Variants in AFF2 observed in about 807,000 individuals in gnomAD.
AFF2 encodes the protein AF4/FMR2 family member 2.
AFF2 carries 14 observed loss-of-function variants against 76.9 expected under a neutral mutation model. The ratio of observed to expected loss-of-function variants is 0.18; its 90% CI spans 0.12 to 0.28. AFF2 has a LOEUF of 0.28. Among genes scored for constraint, AFF2 ranks in the 10% least tolerant of loss-of-function variants. The pLI, the probability that AFF2 is intolerant of heterozygous loss-of-function variation, is 1.00. For missense variants in AFF2, 868 were observed against 1,001.1 expected (o/e 0.87, Z 1.79); for synonymous variants, 398 against 366.7 (o/e 1.09, Z -0.98).
At chrX:148,616,888 A>G (rs1192571552) in intron 1 of AFF2, among the ~76,000 whole-genome samples, 1 of 110,707 alleles carries the variant, frequency 9.0e-6, no homozygotes, top group Admixed American at 9.6e-5. Flanking sequence ...CCATGTCCCT[A>G]CAAAGGACAT....
At chrX:148,857,925 A>T (rs1314243777) in intron 7 of AFF2, among the ~76,000 whole-genome samples, 1 of 111,777 alleles carries the variant, frequency 8.9e-6, no homozygotes, top group African/African-American at 3.2e-5. Flanking sequence ...ATTCCATATT[A>T]AAAAGTTTGA....
At chrX:148,858,590 A>G (rs1341297710) in intron 7 of AFF2, among the ~76,000 whole-genome samples, 1 of 111,390 alleles carries the variant, frequency 9.0e-6, no homozygotes, top group African/African-American at 3.3e-5. Context: ...TAAAAAAGCA[A>G]AAGTATTTTT....
At chrX:148,597,631 C>T (rs1259639521) in intron 1 of AFF2, among the ~76,000 whole-genome samples, 1 of 111,633 alleles carries the variant, frequency 9.0e-6, no homozygotes, top group African/African-American at 3.3e-5. Context: ...CAATTATAGT[C>T]GACATAAAGT....
Position 148,843,441 on chromosome X carries a change from G to A in AFF2, c.1262+8G>A, listed in dbSNP as rs1557274459. ...GTCAGTGTCTTTCAAATCGTGAGTA[G>A]TTGGATCTCCAAATCAGGCCTTTTT... On this transcript the variant is annotated splice_region_variant and intron_variant, in intron 7 of 20. Coordinates refer to ENST00000370460, the MANE Select transcript of AFF2 (RefSeq NM_002025.4). 2 of 1,205,665 alleles carry A rather than the reference G, an allele frequency of 1.7e-6. No homozygotes were observed. The highest frequency in any genetic ancestry group is 2.2e-6 in the Non-Finnish European group (2 of 890,979).
chrX:148,870,953 G>T (rs1005070671), intron 7 of AFF2, among the ~76,000 whole-genome samples: 51 of 111,192 alleles, frequency 4.6e-4, no homozygotes, highest in African/African-American at 1.7e-3. Context: ...GGCAGTGGGG[G>T]AGACAGCAAC....
At chrX:148,780,944 A>G (rs1349483162) in intron 3 of AFF2, among the ~76,000 whole-genome samples, 1 of 111,753 alleles carries the variant, frequency 8.9e-6, no homozygotes, top group Non-Finnish European at 1.9e-5. Context: ...TTGCATGGTC[A>G]TCCTTTTTGT....
chrX:148,744,909 T>C (rs782294495), intron 3 of AFF2, among the ~76,000 whole-genome samples: 51 of 111,525 alleles, frequency 4.6e-4, no homozygotes, highest in African/African-American at 1.4e-3. Context: ...ATCTATAAAG[T>C]AGGAGTGCCC....
intron 1 of AFF2, among the ~76,000 whole-genome samples, chrX:148,557,974 G>C (rs1332772671): frequency 8.9e-6 from 1 of 111,773 alleles, no homozygotes; most frequent in Non-Finnish European, 1.9e-5. Context: ...GAGCTGGGAT[G>C]AAAAGTCAGG....
chrX:148,826,194 C>T (rs1413111314), intron 4 of AFF2, among the ~76,000 whole-genome samples: 1 of 87,454 alleles, frequency 1.1e-5, no homozygotes, highest in African/African-American at 4.6e-5. Context: ...CATCCACTGG[C>T]AGTGGATTCT....
At chrX:148,859,231 T>C (rs1557276184) in intron 7 of AFF2, among the ~76,000 whole-genome samples, 1 of 106,707 alleles carries the variant, frequency 9.4e-6, no homozygotes, top group Non-Finnish European at 1.9e-5. Flanking sequence ...TATATTAAAG[T>C]AGGAAGAGAA....
Position 148,771,988 on chromosome X carries a change from C to G in AFF2, c.1042-37888C>G, listed in dbSNP as rs920367906. Among the ~76,000 whole-genome samples, 22 of 111,599 alleles carry G rather than the reference C, an allele frequency of 2.0e-4. No individual in the cohort carries two copies. The Admixed American group carries it at 2.0e-3, about 10-fold the overall frequency. The stretch of plus-strand genomic sequence containing the variant: ...AAAGTTTACTTGAAAAAGAAACCTG[C>G]AAGATTCATGCAAGACTGGATGTAG... On this transcript the variant is annotated intron_variant, in intron 3 of 20. Transcript: ENST00000370460.
intron 1 of AFF2, among the ~76,000 whole-genome samples, chrX:148,557,741 T>C (rs1557239882): frequency 2.7e-5 from 3 of 112,495 alleles, no homozygotes; most frequent in Non-Finnish European, 5.6e-5. Context: ...CTATTATCTT[T>C]ATACAAATGC....
chrX:148,562,228 C>T (rs1337770870), intron 1 of AFF2, among the ~76,000 whole-genome samples: 4 of 112,291 alleles, frequency 3.6e-5, no homozygotes, highest in Non-Finnish European at 7.5e-5. Context: ...ATTGTCAAGT[C>T]GCTTTGGCAT....
intron 8 of AFF2, among the ~76,000 whole-genome samples, chrX:148,897,304 G>GTA (rs1316006617): frequency 3.3e-4 from 24 of 72,849 alleles, no homozygotes; most frequent in Non-Finnish European, 4.4e-4. Context: ...CCATATGTGT[G>GTA]TATATATATA....
chrX:148,668,143 A>T (rs1267775237), intron 3 of AFF2, among the ~76,000 whole-genome samples: 4 of 113,052 alleles, frequency 3.5e-5, no homozygotes, highest in African/African-American at 1.3e-4. Flanking sequence ...TCAAACCTTA[A>T]AGCTCCAAAA....
At chrX:148,900,496 C>T (rs1569556824) in intron 8 of AFF2, among the ~76,000 whole-genome samples, 1 of 111,590 alleles carries the variant, frequency 9.0e-6, no homozygotes, top group Non-Finnish European at 1.9e-5. Context: ...CAGAAATGCT[C>T]CTTGGAATCA....
chrX:148,739,053 G>T (rs968642857), intron 3 of AFF2, among the ~76,000 whole-genome samples: 21 of 111,632 alleles, frequency 1.9e-4, no homozygotes, highest in African/African-American at 5.9e-4. Flanking sequence ...GGTCAATCTT[G>T]AAACTTCCAT....
intron 4 of AFF2, among the ~76,000 whole-genome samples, chrX:148,825,432 T>C: frequency 8.9e-6 from 1 of 112,234 alleles, no homozygotes; most frequent in Middle Eastern, 4.6e-3. Flanking sequence ...ACTCTTCTTG[T>C]TATTCAGAAA....
chrX:148,973,602 C>T lies in AFF2; in HGVS notation c.3399C>T (p.Leu1133=). The change falls in exon 16 of 21, where the codon CTC becomes CTT. Residue 1133 remains leucine, a synonymous_variant. Coordinates refer to ENST00000370460, the MANE Select transcript of AFF2 (RefSeq NM_002025.4). ...CCATGTACTCTGAGACTGTGGAGCT[C>T]CTCAGGTGAATAGCCTTTCTGCAAT... The part of the protein sequence containing the change: ...PYTMYSETVE[L]LRYAMRLKNF... 1.7e-6 allele frequency: 2 copies of T among 1,206,547 alleles called. No individual in the cohort carries two copies. Among genetic ancestry groups the T allele is most frequent in the Non-Finnish European group, 2.2e-6 (2 of 891,861 alleles).
Sources: gnomAD v4.1 joint callset for allele counts (sites outside exome capture counted in the v4.1 genomes callset) on GRCh38, gnomAD v4.1.1 for gene constraint, MANE v1.5 for transcripts, NCBI Gene and HGNC (gene_info 2026-07-23, HGNC 2026-07-21) for gene names.